TRIO: variants seen among roughly 807,000 people sequenced by gnomAD.
TRIO encodes triple functional domain protein.
TRIO carries 58 observed loss-of-function variants against 351.9 expected under a neutral mutation model. The observed-to-expected ratio is 0.16, with a 90% CI of 0.13 to 0.21. The LOEUF is 0.21. Among genes scored for constraint, TRIO ranks in the 10% least tolerant of loss-of-function variants. TRIO has a pLI of 1.00. For synonymous variants in TRIO, 1,758 were observed against 1,595.7 expected, an observed-to-expected ratio of 1.10 and a Z score of -2.42; for missense variants, 3,201 against 4,027.8, an observed-to-expected ratio of 0.79 and a Z score of 5.56.
chr5:14,319,224 A>G (rs1287645789), intron 9 of TRIO, among the ~76,000 whole-genome samples: 1 of 152,228 alleles, frequency 6.6e-6, no homozygotes, highest in East Asian at 1.9e-4. Flanking sequence ...TTAGCAATCT[A>G]TAGAAAATAG....
At chr5:14,287,095 A>T (rs761869700) in intron 4 of TRIO, 32 bp downstream of exon 4, 1 of 1,601,736 alleles carries the variant, frequency 6.2e-7, no homozygotes, top group South Asian at 1.1e-5. Context: ...GACCCACTAA[A>T]CAAGTTGGTG....
At chr5:14,471,035 A>G (rs979294628) in intron 37 of TRIO, among the ~76,000 whole-genome samples, 1 of 152,238 alleles carries the variant, frequency 6.6e-6, no homozygotes, top group Admixed American at 6.5e-5. Context: ...ATAAGCAAGT[A>G]TAACATTTCT....
At chr5:14,345,046 G>A (rs1321727047) in intron 11 of TRIO, among the ~76,000 whole-genome samples, 1 of 152,204 alleles carries the variant, frequency 6.6e-6, no homozygotes, top group Non-Finnish European at 1.5e-5. Context: ...TGGGAAGAGA[G>A]TGATATTATA....
In TRIO at chr5:14,364,719, A is replaced by G; in HGVS notation, c.2657A>G (p.His886Arg). The change falls in exon 15 of 57, where the codon CAT becomes CGT. Residue 886 changes from histidine (H) to arginine (R), a missense_variant. By Grantham distance (29) the His-to-Arg change is conservative. Transcript: ENST00000344204. ...TRVQDLLEFL[H>R]EKQQELDLAA... ...GTCCAGGACCTGCTGGAGTTTCTTC[A>G]TGAAAAACAGCAGGAATTGGATTTA... is the stretch of plus-strand genomic sequence containing the variant. The G allele has an allele frequency of 1.9e-6, 3 of 1,613,520 alleles. No homozygotes were observed. Among genetic ancestry groups the G allele is most frequent in the Non-Finnish European group, 2.5e-6 (3 of 1,180,034 alleles).
chr5:14,165,005 G>A (rs866024146), intron 1 of TRIO, among the ~76,000 whole-genome samples: 4 of 152,344 alleles, frequency 2.6e-5, no homozygotes, highest in Middle Eastern at 3.4e-3. Flanking sequence ...TGGCTGTGGA[G>A]CTGCTGTCTC....
At chr5:14,305,207 A>C (rs1738253377) in intron 8 of TRIO, among the ~76,000 whole-genome samples, 2 of 152,232 alleles carry the variant, frequency 1.3e-5, no homozygotes, top group South Asian at 4.1e-4. Flanking sequence ...GTCAGCAGCT[A>C]GTGGAGCAGG....
At chr5:14,389,516 G>C in intron 25 of TRIO, 118 bp downstream of exon 25, 1 of 686,806 alleles carries the variant, frequency 1.5e-6, no homozygotes. Flanking sequence ...GTTTCCATTT[G>C]AATGAAGCCT....
At chr5:14,283,032 T>C (rs1390806360) in intron 3 of TRIO, among the ~76,000 whole-genome samples, 1 of 152,142 alleles carries the variant, frequency 6.6e-6, no homozygotes, top group Non-Finnish European at 1.5e-5. Flanking sequence ...GTGCTACCCC[T>C]AGTGAGTGTA....
chr5:14,383,208 G>T (rs1252857129), intron 21 of TRIO, among the ~76,000 whole-genome samples: 4 of 152,148 alleles, frequency 2.6e-5, no homozygotes, highest in Admixed American at 6.5e-5. Context: ...TGCGCCTAAA[G>T]TCCCAAGCTA....
intron 1 of TRIO, among the ~76,000 whole-genome samples, chr5:14,261,497 T>G (rs1795342671): frequency 6.6e-6 from 1 of 152,226 alleles, no homozygotes; most frequent in African/African-American, 2.4e-5. Flanking sequence ...CAAAGGCGGA[T>G]GCTCAGCTTT....
At chr5:14,258,318 C>T (rs1012042294) in intron 1 of TRIO, among the ~76,000 whole-genome samples, 1 of 152,192 alleles carries the variant, frequency 6.6e-6, no homozygotes, top group Non-Finnish European at 1.5e-5. Flanking sequence ...GCAGCAGGCA[C>T]CCTGAGGTCT....
At chr5:14,282,180 T>C (rs1247036479) in intron 3 of TRIO, among the ~76,000 whole-genome samples, 3 of 152,366 alleles carry the variant, frequency 2.0e-5, no homozygotes, top group African/African-American at 7.2e-5. Context: ...CTTAGGCAGC[T>C]GACCTGTTGA....
chr5:14,475,967 A>G (rs542798623), intron 40 of TRIO, among the ~76,000 whole-genome samples: 1 of 152,378 alleles, frequency 6.6e-6, no homozygotes, highest in African/African-American at 2.4e-5. Flanking sequence ...AAAGACAACT[A>G]CAGCCCAGAA....
intron 20 of TRIO, 121 bp downstream of exon 20, chr5:14,378,248 T>C: frequency 1.5e-6 from 1 of 659,130 alleles, no homozygotes; most frequent in Non-Finnish European, 2.6e-6. Flanking sequence ...ACAAACAGTA[T>C]AGCCTTCTAG....
intron 6 of TRIO, among the ~76,000 whole-genome samples, chr5:14,294,742 G>GGGGGTACCCC (rs1737199214): frequency 1.3e-5 from 2 of 152,148 alleles, no homozygotes. Context: ...TTCCTAATCT[G>GGGGGTACCCC]TAAACTGGGG....
chr5:14,144,621 T>G (rs2152111236), intron 1 of TRIO, among the ~76,000 whole-genome samples: 1 of 150,604 alleles, frequency 6.6e-6, no homozygotes, highest in Non-Finnish European at 1.5e-5. Flanking sequence ...CGGGGCACTG[T>G]GTGGGTGGCG....
At chr5:14,398,151 TCTA>T (rs1264632993) in intron 29 of TRIO, among the ~76,000 whole-genome samples, 2 of 152,136 alleles carry the variant, frequency 1.3e-5, no homozygotes, top group Admixed American at 6.5e-5. Flanking sequence ...AGTGGGAGCT[TCTA>T]CTATGAGAGT....
intron 1 of TRIO, among the ~76,000 whole-genome samples, chr5:14,219,413 G>GA (rs1424011752): frequency 2.0e-5 from 3 of 152,104 alleles, no homozygotes; most frequent in Non-Finnish European, 4.4e-5. Context: ...TTTCAGTGCT[G>GA]AAAAAAGATC....
chr5:14,169,126 G>A (rs967181014), intron 1 of TRIO, among the ~76,000 whole-genome samples: 3 of 151,620 alleles, frequency 2.0e-5, no homozygotes, highest in African/African-American at 7.3e-5. Context: ...GAATTAAAGG[G>A]AAATTTGAGA....
Sources: allele counts gnomAD v4.1 joint callset (sites outside exome capture counted in the v4.1 genomes callset), GRCh38; gene constraint gnomAD v4.1.1; transcripts MANE v1.5; gene names NCBI Gene and HGNC (gene_info 2026-07-23, HGNC 2026-07-21).